HDAC9: variants seen among roughly 807,000 people sequenced by gnomAD.
The protein encoded by HDAC9 is histone deacetylase 9, also known as MEF-2 interacting transcription repressor (MITR) protein.
In HDAC9, 41 loss-of-function variants were observed where a neutral mutation model predicts 139.4. The observed-to-expected ratio is 0.29, with a 90% CI of 0.23 to 0.38. The LOEUF (loss-of-function observed/expected upper bound fraction) is 0.38. Ranked by LOEUF, HDAC9 falls within the 10% of genes least tolerant of loss-of-function variation. HDAC9 has a pLI of 1.00. For synonymous variants in HDAC9, 517 were observed against 476.2 expected (o/e 1.09, Z -1.12); for missense variants, 1,147 against 1,297.0 (o/e 0.88, Z 1.78).
At chr7:18,617,582 G>A (rs1433999135) in intron 6 of HDAC9, among the ~76,000 whole-genome samples, 2 of 152,010 alleles carry the variant, frequency 1.3e-5, no homozygotes, top group Non-Finnish European at 2.9e-5. Context: ...TACCCACCAG[G>A]CCACCCCAGA....
chr7:18,709,752 C>T (rs1056786890), intron 12 of HDAC9, among the ~76,000 whole-genome samples: 6 of 152,038 alleles, frequency 3.9e-5, no homozygotes, highest in Non-Finnish European at 7.4e-5. Context: ...CCTTTCTTGC[C>T]CTGTGTTGTC....
intron 24 of HDAC9, among the ~76,000 whole-genome samples, chr7:18,968,026 G>A (rs1034403681): frequency 2.6e-5 from 4 of 152,092 alleles, no homozygotes; most frequent in Non-Finnish European, 5.9e-5. Flanking sequence ...GCCAGGCGTG[G>A]TGGCATATGC....
At chr7:18,781,398 C>G (rs898566874) in intron 16 of HDAC9, among the ~76,000 whole-genome samples, 6 of 151,982 alleles carry the variant, frequency 3.9e-5, no homozygotes, top group Admixed American at 3.9e-4. Flanking sequence ...TCAGTTTACT[C>G]TTCTGTAAAG....
At chr7:18,704,724 CAGGAA>C (rs1783751827) in intron 12 of HDAC9, among the ~76,000 whole-genome samples, 1 of 152,068 alleles carries the variant, frequency 6.6e-6, no homozygotes, top group South Asian at 2.1e-4. Flanking sequence ...ATCTGAGGAG[CAGGAA>C]AGGTATTCTC....
chr7:18,428,521 C>G (rs904377475), intron 1 of HDAC9, among the ~76,000 whole-genome samples: 8 of 152,146 alleles, frequency 5.3e-5, no homozygotes, highest in African/African-American at 1.7e-4. Flanking sequence ...AAAAGATGCT[C>G]TATGTCACTA....
chr7:18,292,278 A>C (rs1474610639), intron 1 of HDAC9, among the ~76,000 whole-genome samples: 1 of 152,090 alleles, frequency 6.6e-6, no homozygotes, highest in Non-Finnish European at 1.5e-5. Flanking sequence ...TAAGCTACTT[A>C]CCCAGCTCAT....
intron 2 of HDAC9, among the ~76,000 whole-genome samples, chr7:18,545,956 T>C (rs953571484): frequency 9.9e-5 from 15 of 152,230 alleles, no homozygotes; most frequent in African/African-American, 3.6e-4. Flanking sequence ...TTCTTGAGTT[T>C]GGTGCAAGTT....
chr7:18,103,508 A>G (rs184747821), intron 1 of HDAC9, among the ~76,000 whole-genome samples: 124 of 152,106 alleles, frequency 8.2e-4, no homozygotes, highest in African/African-American at 2.9e-3. Flanking sequence ...TCCCTTTTGG[A>G]GTCCCCGGTG....
intron 1 of HDAC9, among the ~76,000 whole-genome samples, chr7:18,310,794 CT>C (rs910990306): frequency 7.0e-6 from 1 of 142,188 alleles, no homozygotes; most frequent in African/African-American, 2.7e-5. Flanking sequence ...TTTTTATCAA[CT>C]TGTACAAATC....
At chr7:18,769,324 C>T (rs1790088064) in intron 16 of HDAC9, among the ~76,000 whole-genome samples, 1 of 152,148 alleles carries the variant, frequency 6.6e-6, no homozygotes, top group African/African-American at 2.4e-5. Context: ...ATATTGGCTG[C>T]TTCCTCTGGA....
intron 16 of HDAC9, among the ~76,000 whole-genome samples, chr7:18,770,590 G>A (rs565235480): frequency 3.9e-5 from 6 of 152,182 alleles, no homozygotes; most frequent in Non-Finnish European, 7.4e-5. Flanking sequence ...TGATAATGTC[G>A]TCATCAGCTC....
rs552680691 is a variant in HDAC9, at chr7:18,189,937, G to A, written c.25+27588G>A. Among the ~76,000 whole-genome samples the A allele has an allele frequency of 2.2e-4, 33 of 152,008 alleles. 1 individual carries two copies. Among genetic ancestry groups the A allele is most frequent in the Non-Finnish European group, 4.1e-4 (28 of 67,988 alleles). ...TTGTGTGTGGTGTGTGTGTGTGTGT[G>A]TGTGTGTGTGTGTACGTTTGAGACA... On this transcript the variant is annotated intron_variant, in intron 2 of 12. Coordinates refer to the HDAC9 transcript ENST00000417496.
Position 18,334,768 on chromosome 7 carries a change from A to G in HDAC9, c.-42+44253A>G, listed in dbSNP as rs112156530. ...TGAAGAGGGTGGAGGAGTTAGCACC[A>G]CAGAGGAAGTTCAGGTTCGATGTCT... On this transcript the variant is annotated intron_variant, in intron 1 of 3. Coordinates refer to the HDAC9 transcript ENST00000413509. Among the ~76,000 whole-genome samples, 695 of 151,690 alleles carry G rather than the reference A, an allele frequency of 4.6e-3. 14 individuals carry two copies. Among genetic ancestry groups the G allele is most frequent in the African/African-American group, 0.015 (622 of 41,464 alleles).
intron 22 of HDAC9, among the ~76,000 whole-genome samples, chr7:18,884,714 T>C (rs2129260781): frequency 6.6e-6 from 1 of 152,338 alleles, no homozygotes; most frequent in South Asian, 2.1e-4. Context: ...CTGATGTTTT[T>C]AGTCAGTTGG....
intron 12 of HDAC9, among the ~76,000 whole-genome samples, chr7:18,676,261 T>G (rs1781501016): frequency 6.6e-6 from 1 of 152,024 alleles, no homozygotes; most frequent in Non-Finnish European, 1.5e-5. Context: ...GTATATGGAC[T>G]CTTTCTTTGG....
chr7:18,110,879 G>C (rs1437175739), intron 1 of HDAC9, among the ~76,000 whole-genome samples: 1 of 152,178 alleles, frequency 6.6e-6, no homozygotes, highest in Non-Finnish European at 1.5e-5. Flanking sequence ...GAACGGAGAT[G>C]ATAAGGGGAG....
At chr7:18,171,416 T>G (rs1788432342) in intron 2 of HDAC9, among the ~76,000 whole-genome samples, 1 of 152,194 alleles carries the variant, frequency 6.6e-6, no homozygotes, top group South Asian at 2.1e-4. Flanking sequence ...CTTCCTCTTT[T>G]CCTAATTGAA....
intron 24 of HDAC9, among the ~76,000 whole-genome samples, chr7:18,966,106 G>C (rs1190556304): frequency 2.0e-5 from 3 of 152,100 alleles, no homozygotes; most frequent in Non-Finnish European, 4.4e-5. Flanking sequence ...TTCTATCATT[G>C]TTTCCTCTGG....
chr7:18,265,045 A>G (rs541063678), intron 2 of HDAC9, among the ~76,000 whole-genome samples: 1 of 152,296 alleles, frequency 6.6e-6, no homozygotes, highest in African/African-American at 2.4e-5. Context: ...GTCATGGTAC[A>G]TTGTTAAGTT....
Sources: gnomAD v4.1 joint callset for allele counts (sites outside exome capture counted in the v4.1 genomes callset) on GRCh38, gnomAD v4.1.1 for gene constraint, MANE v1.5 for transcripts, NCBI Gene and HGNC (gene_info 2026-07-23, HGNC 2026-07-21) for gene names.